LSM2: variants seen among roughly 807,000 people sequenced by gnomAD.
The protein encoded by LSM2 is LSM2 homolog, U6 small nuclear RNA and mRNA degradation associated.
LSM2 carries 12 observed loss-of-function variants against 17.0 expected under a neutral mutation model. The observed-to-expected ratio is 0.70, with a 90% CI of 0.45 to 1.14. LSM2 has a LOEUF of 1.14. Among genes scored for constraint, LSM2 ranks in the 50% most tolerant of loss-of-function variants. LSM2 has a pLI of 0.00. For synonymous variants in LSM2, 42 were observed against 44.5 expected (o/e 0.94, Z 0.22); for missense variants, 62 against 111.8 (o/e 0.55, Z 2.01).
In LSM2 at chr6:31,798,494, G is replaced by T. The variant is rs763526825; in HGVS notation, c.85C>A (p.Leu29Ile). ...LKNDLSICGT[L>I]HSVDQYLNIK... The stretch of plus-strand genomic sequence containing the variant: ...TATCTCACCTGATCCACAGAATGGA[G>T]GGTTCCACAGATGCTGTCAAGGGCA... Residue 29 changes from leucine (L) to isoleucine (I), a missense_variant, in exon 3 of 5, where the codon CTC becomes ATC. Coordinates refer to ENST00000375661, the MANE Select transcript of LSM2 (RefSeq NM_021177.5). 1 of 1,612,926 alleles carries T rather than the reference G, an allele frequency of 6.2e-7. No homozygotes were observed. The highest frequency in any genetic ancestry group is 8.5e-7 in the Non-Finnish European group (1 of 1,180,000).
chr6:31,802,527 G>A (rs1348027343), intron 2 of LSM2, among the ~76,000 whole-genome samples: 3 of 150,896 alleles, frequency 2.0e-5, no homozygotes, highest in Admixed American at 6.6e-5. Context: ...CCAGGGAGTC[G>A]GAGGTTACAG....
chr6:31,803,210 C>G (rs920579264), intron 2 of LSM2, among the ~76,000 whole-genome samples: 1 of 152,146 alleles, frequency 6.6e-6, no homozygotes, highest in Non-Finnish European at 1.5e-5. Flanking sequence ...AACGTGTAAC[C>G]CATGAAAAAA....
rs2151441931 is a variant in LSM2, at chr6:31,797,475, C to G, written c.*282G>C. 1 of 430,058 alleles carries G rather than the reference C, an allele frequency of 2.3e-6. No homozygotes were observed. The highest frequency in any genetic ancestry group is 3.7e-5 in the South Asian group (1 of 27,170). 26.6% of individuals were successfully genotyped at this position (430,058 alleles called of 1,614,324 possible). ...GAATCACATGCTGCCCTGGAAAGACCTAGGAAACTCTCCTACCATCTCCAG... is the reference window on the plus strand; with the variant it reads ...GAATCACATGCTGCCCTGGAAAGACGTAGGAAACTCTCCTACCATCTCCAG... On this transcript the variant is annotated 3_prime_UTR_variant, in exon 5 of 5. Transcript: ENST00000375661.
rs1187212839 is a variant in LSM2 at position 31,806,140 on chromosome 6, G to A, written c.6C>T (p.Leu2=). 4.3e-6 allele frequency: 7 copies of A among 1,612,788 alleles called. No homozygotes were observed. Among genetic ancestry groups the A allele is most frequent in the Non-Finnish European group, 5.1e-6 (6 of 1,179,842 alleles). The change falls in exon 2 of 5, where the codon CTC becomes CTT. Residue 2 remains leucine, a splice_region_variant and synonymous_variant. Coordinates refer to ENST00000375661, the MANE Select transcript of LSM2 (RefSeq NM_021177.5). The part of the protein sequence containing the change: M[L]FYSFFKSLVG... ...CAAGGGACTTGAAAAAAGAATAGAA[G>A]AGCTATTGGGAGAGAGGGGGAAAAC...
chr6:31,797,599 T>C lies in LSM2; in HGVS notation c.*158A>G. 3 of 1,030,954 alleles carry C rather than the reference T, an allele frequency of 2.9e-6. No individual in the cohort carries two copies. Among genetic ancestry groups the C allele is most frequent in the Non-Finnish European group, 4.3e-6 (3 of 702,462 alleles). 63.9% of individuals were successfully genotyped at this position (1,030,954 alleles called of 1,614,324 possible). A position where few individuals can be genotyped will look rare whatever the true frequency, so the allele number is the denominator to read the frequency against. On this transcript the variant is annotated 3_prime_UTR_variant, in exon 5 of 5. Transcript: ENST00000375661. ...CTCAAGAGAGGATAGCTGTTCCCTA[T>C]TACTCCTCTCATCCACTCATCCCTT...
chr6:31,801,010 A>G (rs979631353), intron 2 of LSM2, among the ~76,000 whole-genome samples: 1 of 151,770 alleles, frequency 6.6e-6, no homozygotes, highest in African/African-American at 2.4e-5. Flanking sequence ...AAAATAAAAT[A>G]TAAAAATACA....
Position 31,806,926 on chromosome 6 carries a change from C to T in LSM2, c.-169G>A, listed in dbSNP as rs1381693198. The T allele has an allele frequency of 3.4e-6, 3 of 893,990 alleles. No individual in the cohort carries two copies. Among genetic ancestry groups the T allele is most frequent in the African/African-American group, 1.8e-5 (1 of 56,030 alleles). The allele number at this position is 893,990 out of a possible 1,614,324, so 55.4% of individuals were successfully genotyped here. A position where few individuals can be genotyped will look rare whatever the true frequency, so the allele number is the denominator to read the frequency against. On this transcript the variant is annotated 5_prime_UTR_variant, in exon 1 of 5. Transcript: ENST00000375661. The stretch of plus-strand genomic sequence containing the variant: ...GCGCTGACGGGCAAAGCGCGGCCGA[C>T]TTGCGGCTGGGGAGCGCAAGCTGGG...
intron 2 of LSM2, among the ~76,000 whole-genome samples, chr6:31,798,780 A>G (rs1814538070): frequency 8.3e-6 from 1 of 120,226 alleles, no homozygotes; most frequent in Non-Finnish European, 1.6e-5. Flanking sequence ...ACTGTCAGCC[A>G]GGCTGAAGTG....
At chr6:31,798,103 A>G in intron 3 of LSM2, 54 bp from the exon 4 acceptor site, 1 of 1,399,294 alleles carries the variant, frequency 7.1e-7, no homozygotes, top group Non-Finnish European at 9.5e-7. Flanking sequence ...TTTTTGAGAC[A>G]AGAGTTTTGC....
At chr6:31,800,404 A>G (rs1318937744) in intron 2 of LSM2, among the ~76,000 whole-genome samples, 3 of 152,170 alleles carry the variant, frequency 2.0e-5, no homozygotes, top group African/African-American at 7.2e-5. Flanking sequence ...TCTTGCCAAA[A>G]ATAAAGTTGG....
chr6:31,801,275 G>GTC (rs1814687449), intron 2 of LSM2, among the ~76,000 whole-genome samples: 1 of 150,994 alleles, frequency 6.6e-6, no homozygotes. Context: ...CAGAGGGTGA[G>GTC]TCTCTGCCTA....
chr6:31,802,779 G>A (rs1206293290), intron 2 of LSM2: 2 of 152,016 alleles, frequency 1.3e-5, no homozygotes, highest in Non-Finnish European at 2.9e-5. Flanking sequence ...CAGGCGTTGT[G>A]GCGCATGCCT....
chr6:31,805,214 A>G (rs1814956751), intron 2 of LSM2, among the ~76,000 whole-genome samples: 1 of 151,522 alleles, frequency 6.6e-6, no homozygotes, highest in Non-Finnish European at 1.5e-5. Context: ...ACAGGCATGT[A>G]CACTACACCT....
At chr6:31,805,207 G>A (rs897313433) in intron 2 of LSM2, among the ~76,000 whole-genome samples, 2 of 151,788 alleles carry the variant, frequency 1.3e-5, no homozygotes, top group Non-Finnish European at 2.9e-5. Context: ...TGAGACTACA[G>A]GCATGTACAC....
In LSM2 at chr6:31,806,909, G is replaced by C. The variant is rs1044357068; in HGVS notation, c.-152C>G. On this transcript the variant is annotated 5_prime_UTR_variant, in exon 1 of 5. Transcript: ENST00000375661. ...GACGCAGAAAGCTCCAAGCGCTGAC[G>C]GGCAAAGCGCGGCCGACTTGCGGCT... 2.5e-5 allele frequency: 27 copies of C among 1,076,234 alleles called. No individual in the cohort carries two copies. The highest frequency in any genetic ancestry group is 5.0e-5 in the African/African-American group (3 of 59,766). 66.7% of individuals were successfully genotyped at this position (1,076,234 alleles called of 1,614,324 possible).
rs1050083145 is a variant in LSM2 at position 31,798,371 on chromosome 6, C to T, written c.102+106G>A. 3.7e-5 allele frequency: 51 copies of T among 1,396,438 alleles called. No individual in the cohort carries two copies. The Middle Eastern group carries it at 7.3e-4, about 20-fold the overall frequency. 86.5% of individuals were successfully genotyped at this position (1,396,438 alleles called of 1,614,324 possible). The stretch of plus-strand genomic sequence containing the variant: ...ACAGGCGTGAGCCACCGTGCCTGGC[C>T]GACGAACACCATTATTAACCCTAGA... On this transcript the variant is annotated intron_variant, in intron 3 of 4. Coordinates refer to ENST00000375661, the MANE Select transcript of LSM2 (RefSeq NM_021177.5).
Position 31,806,950 on chromosome 6 carries a change from GGTAGA to G in LSM2, c.-198_-194del. On this transcript the variant is annotated 5_prime_UTR_variant, in exon 1 of 5. Transcript: ENST00000375661. The stretch of plus-strand genomic sequence containing the variant: ...ACTTGCGGCTGGGGAGCGCAAGCTG[GGTAGA>G]GTAGAGGGGAGGAGGAAGCCGGGAA... 1.5e-6 allele frequency: 1 copy of G among 672,690 alleles called. No individual in the cohort carries two copies. Among genetic ancestry groups the G allele is most frequent in the Non-Finnish European group, 2.4e-6 (1 of 408,320 alleles). 41.7% of individuals were successfully genotyped at this position (672,690 alleles called of 1,614,324 possible).
chr6:31,799,488 C>G (rs1184885157), intron 2 of LSM2, among the ~76,000 whole-genome samples: 1 of 152,152 alleles, frequency 6.6e-6, no homozygotes, highest in Non-Finnish European at 1.5e-5. Context: ...TCCCGAGTAG[C>G]TGGGACTACA....
At chr6:31,805,856 T>C (rs1169947898) in intron 2 of LSM2, among the ~76,000 whole-genome samples, 1 of 151,724 alleles carries the variant, frequency 6.6e-6, no homozygotes, top group African/African-American at 2.4e-5. Context: ...AATGGAGTAA[T>C]CACTGCTCAC....
Sources: gnomAD v4.1 joint callset for allele counts (sites outside exome capture counted in the v4.1 genomes callset) on GRCh38, gnomAD v4.1.1 for gene constraint, MANE v1.5 for transcripts, NCBI Gene and HGNC (gene_info 2026-07-23, HGNC 2026-07-21) for gene names.